Variants in MSRB3 observed in about 807,000 individuals in gnomAD.
MSRB3 encodes methionine-R-sulfoxide reductase B3.
Under a neutral mutation model 21.0 loss-of-function variants are expected in MSRB3, and 13 were observed. That is an observed-to-expected ratio of 0.62 (90% confidence interval 0.40 to 0.98). The LOEUF (loss-of-function observed/expected upper bound fraction) is 0.98. Among genes scored for constraint, MSRB3 ranks in the 50% least tolerant of loss-of-function variants. The probability of loss-of-function intolerance (pLI) is 0.00; values close to 1 mark genes in which losing one functional copy is unlikely to be tolerated. For synonymous variants in MSRB3, 87 were observed against 88.6 expected, an observed-to-expected ratio of 0.98 and a Z score of 0.10; for missense variants, 199 against 230.3, an observed-to-expected ratio of 0.86 and a Z score of 0.88.
chr12:65,458,304 T>C lies in MSRB3; in HGVS notation c.390+4479T>C, dbSNP rs547080998. On this transcript the variant is annotated intron_variant, in intron 6 of 6. Coordinates refer to ENST00000308259, the MANE Select transcript of MSRB3 (RefSeq NM_001031679.3). ...GGGATGACACCATGCATACAGTGAA[T>C]TAGGCCTCATATTTGCATAGGAATT... Among the ~76,000 whole-genome samples the C allele has an allele frequency of 1.1e-4, 16 of 152,334 alleles. No homozygotes were observed. In the South Asian group the frequency reaches 3.3e-3, roughly 32 times the overall value.
At chr12:65,328,687 C>A in intron 4 of MSRB3, 84 bp downstream of exon 4, 1 of 922,340 alleles carries the variant, frequency 1.1e-6, no homozygotes, top group South Asian at 1.3e-5. Flanking sequence ...AGAATCTTTC[C>A]ATTGCTGAAT....
intron 5 of MSRB3, among the ~76,000 whole-genome samples, chr12:65,408,491 A>T (rs1355316353): frequency 6.6e-6 from 1 of 152,160 alleles, no homozygotes; most frequent in East Asian, 1.9e-4. Context: ...TAGGAGGTAG[A>T]CTGCATTTAC....
chr12:65,402,431 G>A (rs1592603301), intron 5 of MSRB3, among the ~76,000 whole-genome samples: 2 of 152,186 alleles, frequency 1.3e-5, no homozygotes, highest in South Asian at 2.1e-4. Flanking sequence ...TATGCTTCAC[G>A]AAGTTCTTGC....
chr12:65,360,085 G>A (rs938608380), intron 4 of MSRB3, among the ~76,000 whole-genome samples: 3 of 152,092 alleles, frequency 2.0e-5, no homozygotes, highest in African/African-American at 7.2e-5. Context: ...CTCTGTGTGT[G>A]TCTGTCTTAA....
At position 65,419,533 on chromosome 12, in the gene MSRB3, G is replaced by T. The variant is rs1434400002; in HGVS notation, c.293-34195G>T. On this transcript the variant is annotated intron_variant, in intron 5 of 6. Coordinates refer to ENST00000308259, the MANE Select transcript of MSRB3 (RefSeq NM_001031679.3). ...CTCTGTGTCATACTTGACTCTAAAG[G>T]CATCAGCAGCAAGATGGGCATTGTC... is the stretch of plus-strand genomic sequence containing the variant. 10 of 740,772 alleles carry T rather than the reference G, an allele frequency of 1.3e-5. No homozygotes were observed. The Admixed American group carries it at 1.4e-4, about 10-fold the overall frequency. The allele number at this position is 740,772 out of a possible 1,614,324, so 45.9% of individuals were successfully genotyped here. A position where few individuals can be genotyped will look rare whatever the true frequency, so the allele number is the denominator to read the frequency against.
At chr12:65,449,718 T>C (rs193036413) in intron 5 of MSRB3, among the ~76,000 whole-genome samples, 1 of 152,366 alleles carries the variant, frequency 6.6e-6, no homozygotes, top group Admixed American at 6.5e-5. Context: ...ATGAGTCATG[T>C]AGCTGACTAG....
At chr12:65,279,256 T>C in intron 1 of MSRB3, 1 of 213,078 alleles carries the variant, frequency 4.7e-6, no homozygotes, top group Middle Eastern at 1.9e-3. Context: ...AGCCCTCTGC[T>C]CTGTGCGTCG....
At chr12:65,428,079 G>C (rs2136657654) in intron 5 of MSRB3, among the ~76,000 whole-genome samples, 1 of 152,282 alleles carries the variant, frequency 6.6e-6, no homozygotes, top group Admixed American at 6.5e-5. Flanking sequence ...TCTTGGGTTG[G>C]TGAGGTGTGT....
At chr12:65,367,694 G>A (rs977172118) in intron 4 of MSRB3, among the ~76,000 whole-genome samples, 1 of 152,160 alleles carries the variant, frequency 6.6e-6, no homozygotes, top group Non-Finnish European at 1.5e-5. Flanking sequence ...TTGCAGAATT[G>A]GAGAGAGGGC....
At chr12:65,367,731 A>G (rs749385183) in intron 4 of MSRB3, among the ~76,000 whole-genome samples, 1 of 152,214 alleles carries the variant, frequency 6.6e-6, no homozygotes, top group African/African-American at 2.4e-5. Context: ...TTTGTACCTG[A>G]AATAGAAGGC....
At chr12:65,450,689 AC>A (rs1164782174) in intron 5 of MSRB3, among the ~76,000 whole-genome samples, 1 of 152,188 alleles carries the variant, frequency 6.6e-6, no homozygotes, top group African/African-American at 2.4e-5. Flanking sequence ...ACTGACATAA[AC>A]ACACTCCCCT....
At chr12:65,330,954 G>A (rs2136457004) in intron 4 of MSRB3, among the ~76,000 whole-genome samples, 1 of 152,206 alleles carries the variant, frequency 6.6e-6, no homozygotes, top group African/African-American at 2.4e-5. Context: ...GAAATAATTG[G>A]AAGTCTTTTT....
At chr12:65,452,999 G>A (rs1339553163) in intron 5 of MSRB3, among the ~76,000 whole-genome samples, 1 of 152,088 alleles carries the variant, frequency 6.6e-6, no homozygotes, top group Non-Finnish European at 1.5e-5. Flanking sequence ...ACAATCCTAT[G>A]ATCCATTTAC....
intron 4 of MSRB3, among the ~76,000 whole-genome samples, chr12:65,330,220 C>T (rs967559426): frequency 5.3e-5 from 8 of 152,284 alleles, no homozygotes; most frequent in South Asian, 4.1e-4. Flanking sequence ...AAGGGTTTAA[C>T]CCTTGTGAGA....
chr12:65,462,727 C>A (rs1883384763), intron 6 of MSRB3, among the ~76,000 whole-genome samples: 1 of 152,144 alleles, frequency 6.6e-6, no homozygotes, highest in Admixed American at 6.5e-5. Context: ...TCTGTCATGG[C>A]CAGTTAAACA....
intron 5 of MSRB3, among the ~76,000 whole-genome samples, chr12:65,376,873 A>G (rs895390492): frequency 2.6e-5 from 4 of 152,204 alleles, no homozygotes; most frequent in African/African-American, 9.6e-5. Flanking sequence ...GAGGAAACAT[A>G]TTATTCCAAA....
chr12:65,390,670 A>C (rs1879433000), intron 5 of MSRB3, among the ~76,000 whole-genome samples: 1 of 152,168 alleles, frequency 6.6e-6, no homozygotes, highest in African/African-American at 2.4e-5. Flanking sequence ...AAAGTGAAAG[A>C]ATGTTCATAG....
At chr12:65,364,906 T>C (rs1877920042) in intron 4 of MSRB3, among the ~76,000 whole-genome samples, 1 of 152,220 alleles carries the variant, frequency 6.6e-6, no homozygotes, top group African/African-American at 2.4e-5. Flanking sequence ...TTCTTTTGAG[T>C]GTTCAGTACT....
chr12:65,327,881 T>C (rs1001241520), intron 3 of MSRB3, among the ~76,000 whole-genome samples: 1 of 152,224 alleles, frequency 6.6e-6, no homozygotes, highest in Non-Finnish European at 1.5e-5. Flanking sequence ...GTTGTGTACA[T>C]GACTAGCAAA....
Sources: allele counts gnomAD v4.1 joint callset (sites outside exome capture counted in the v4.1 genomes callset), GRCh38; gene constraint gnomAD v4.1.1; transcripts MANE v1.5; gene names NCBI Gene and HGNC (gene_info 2026-07-23, HGNC 2026-07-21).